CLIC5: variants seen among roughly 807,000 people sequenced by gnomAD.
CLIC5 encodes the protein CLIC family member 5.
CLIC5 carries 20 observed loss-of-function variants against 24.7 expected under a neutral mutation model. The observed-to-expected ratio is 0.81, with a 90% CI of 0.57 to 1.18. CLIC5 has a LOEUF of 1.18. Ranked by LOEUF, CLIC5 falls within the 50% of genes most tolerant of loss-of-function variation. CLIC5 has a pLI of 0.00. For missense variants in CLIC5, 341 were observed against 326.1 expected (o/e 1.05, Z -0.35); for synonymous variants, 159 against 135.6 (o/e 1.17, Z -1.20).
At chr6:46,125,875 A>G in the CLIC5 span, among the ~76,000 whole-genome samples, 3 of 152,142 alleles carry the variant, frequency 2.0e-5, no homozygotes, top group African/African-American at 7.2e-5. Flanking sequence ...TGTTGCTGAA[A>G]CAGGGACTCT....
intron 1 of CLIC5, among the ~76,000 whole-genome samples, chr6:46,047,092 C>T (rs1341801384): frequency 6.6e-6 from 1 of 152,232 alleles, no homozygotes; most frequent in Non-Finnish European, 1.5e-5. Flanking sequence ...TGAGCTGCAA[C>T]TGGTTAAGAC....
chr6:45,962,270 G>A (rs1427797265), intron 1 of CLIC5, among the ~76,000 whole-genome samples: 2 of 151,640 alleles, frequency 1.3e-5, no homozygotes, highest in East Asian at 3.9e-4. Context: ...GGCTCACACA[G>A]TTGTGGAGGC....
chr6:46,032,950 T>C (rs1054909461), intron 1 of CLIC5, among the ~76,000 whole-genome samples: 34 of 151,808 alleles, frequency 2.2e-4, no homozygotes, highest in South Asian at 8.3e-4. Flanking sequence ...CTCACAAATA[T>C]TGAATCTAAG....
At chr6:45,981,348 T>C (rs1467828947) in intron 1 of CLIC5, among the ~76,000 whole-genome samples, 3 of 151,970 alleles carry the variant, frequency 2.0e-5, no homozygotes, top group African/African-American at 7.3e-5. Context: ...TTCTGAAATT[T>C]TGAAACATCC....
Position 46,007,761 on chromosome 6 carries a change from A to G in CLIC5, c.63+7719T>C, listed in dbSNP as rs534965589. Among the ~76,000 whole-genome samples the G allele has an allele frequency of 7.7e-4, 117 of 152,230 alleles. 1 individual carries two copies. Among genetic ancestry groups the G allele is most frequent in the Admixed American group, 2.1e-3 (32 of 15,296 alleles). On this transcript the variant is annotated intron_variant, in intron 1 of 5. Coordinates refer to ENST00000339561, the MANE Select transcript of CLIC5 (RefSeq NM_016929.5). Reference sequence around the variant, plus strand: ...TGGATGACTTCTGGAAGCTTTTCCAAATAATAAATTCTATGGTTTTATGAA... The same window carrying G: ...TGGATGACTTCTGGAAGCTTTTCCAGATAATAAATTCTATGGTTTTATGAA...
At chr6:46,110,669 T>C in the CLIC5 span, among the ~76,000 whole-genome samples, 1 of 152,178 alleles carries the variant, frequency 6.6e-6, no homozygotes, top group Admixed American at 6.5e-5. Context: ...CACTTTCTGA[T>C]AGGACCAGGA....
chr6:46,081,650 T>C (rs568596741), upstream of CLIC5, among the ~76,000 whole-genome samples: 1 of 152,336 alleles, frequency 6.6e-6, no homozygotes, highest in Admixed American at 6.5e-5. Flanking sequence ...TGTTTTTAAT[T>C]GAATGGATTC....
intron 1 of CLIC5, among the ~76,000 whole-genome samples, chr6:46,013,477 G>A (rs1290870250): frequency 6.6e-6 from 1 of 152,184 alleles, no homozygotes; most frequent in African/African-American, 2.4e-5. Context: ...GGTTGAGGGA[G>A]GAGTCAAAAC....
At chr6:46,092,479 C>A in the CLIC5 span, among the ~76,000 whole-genome samples, 1 of 152,014 alleles carries the variant, frequency 6.6e-6, no homozygotes, top group African/African-American at 2.4e-5. Flanking sequence ...GTGTTTTATT[C>A]CTGCCCTGAT....
At chr6:45,919,512 C>A (rs534846856) in intron 4 of CLIC5, among the ~76,000 whole-genome samples, 1 of 151,534 alleles carries the variant, frequency 6.6e-6, no homozygotes, top group Non-Finnish European at 1.5e-5. Context: ...CTCCTTTCTT[C>A]TTCATCCCCA....
chr6:46,097,705 T>G, the CLIC5 span, among the ~76,000 whole-genome samples: 3 of 152,228 alleles, frequency 2.0e-5, no homozygotes, highest in Non-Finnish European at 2.9e-5. Flanking sequence ...ACAAGTACCC[T>G]AATGAAATGT....
intron 1 of CLIC5, among the ~76,000 whole-genome samples, chr6:45,978,566 C>A (rs1395032505): frequency 6.6e-6 from 1 of 152,072 alleles, no homozygotes; most frequent in Admixed American, 6.6e-5. Flanking sequence ...AGGGTGGGGC[C>A]CAAGAATTTG....
At chr6:46,110,674 C>T in the CLIC5 span, among the ~76,000 whole-genome samples, 1 of 152,068 alleles carries the variant, frequency 6.6e-6, no homozygotes, top group Non-Finnish European at 1.5e-5. Flanking sequence ...TCTGATAGGA[C>T]CAGGAACTTC....
intron 1 of CLIC5, among the ~76,000 whole-genome samples, chr6:46,055,950 C>T (rs1768237461): frequency 2.0e-5 from 3 of 152,126 alleles, no homozygotes; most frequent in South Asian, 4.1e-4. Flanking sequence ...TGGGGAGTGA[C>T]TGTTTAATAG....
chr6:46,118,461 A>G, the CLIC5 span, among the ~76,000 whole-genome samples: 108 of 152,354 alleles, frequency 7.1e-4, no homozygotes, highest in African/African-American at 2.6e-3. Context: ...GGGGCACAAC[A>G]GGCATAAACT....
the CLIC5 span, among the ~76,000 whole-genome samples, chr6:46,116,278 T>A: frequency 6.6e-6 from 1 of 152,184 alleles, no homozygotes; most frequent in Admixed American, 6.5e-5. Context: ...TGTGCCTTGA[T>A]CGGTTAATTC....
the CLIC5 span, among the ~76,000 whole-genome samples, chr6:46,115,583 C>T: frequency 3.3e-5 from 5 of 152,150 alleles, no homozygotes; most frequent in Non-Finnish European, 5.9e-5. Flanking sequence ...CTTCAGAATG[C>T]ACTAACACAA....
chr6:45,937,220 C>T (rs770540244), intron 4 of CLIC5, among the ~76,000 whole-genome samples: 1 of 152,168 alleles, frequency 6.6e-6, no homozygotes, highest in African/African-American at 2.4e-5. Flanking sequence ...GAGGGGGAAG[C>T]AAGAGCTGAA....
At chr6:46,017,129 G>T (rs113097381), upstream of CLIC5, among the ~76,000 whole-genome samples, 101 of 152,206 alleles carry the variant, frequency 6.6e-4, 1 homozygote, top group African/African-American at 2.3e-3. Context: ...TTTCTAAAGT[G>T]GTTGCACCAA....
Sources: allele counts gnomAD v4.1 joint callset (sites outside exome capture counted in the v4.1 genomes callset), GRCh38; gene constraint gnomAD v4.1.1; transcripts MANE v1.5; gene names NCBI Gene and HGNC (gene_info 2026-07-23, HGNC 2026-07-21).